WWOX: variants seen among roughly 807,000 people sequenced by gnomAD.
The protein encoded by WWOX is WW domain-containing oxidoreductase.
WWOX carries 69 observed loss-of-function variants against 46.2 expected under a neutral mutation model. The observed-to-expected ratio is 1.49, with a 90% CI of 1.23 to 1.82. The LOEUF (loss-of-function observed/expected upper bound fraction) is 1.82, where lower values mean the gene tolerates loss of function less well. Ranked by LOEUF, WWOX falls within the 40% of genes most tolerant of loss-of-function variation. The probability of loss-of-function intolerance (pLI) is 0.00; values close to 1 mark genes in which losing one functional copy is unlikely to be tolerated. For synonymous variants in WWOX, 359 were observed against 202.6 expected, an observed-to-expected ratio of 1.77 and a Z score of -6.56; for missense variants, 919 against 542.6, an observed-to-expected ratio of 1.69 and a Z score of -6.89.
chr16:78,214,845 A>T (rs1378165412), intron 5 of WWOX, among the ~76,000 whole-genome samples: 2 of 146,330 alleles, frequency 1.4e-5, no homozygotes, highest in African/African-American at 2.6e-5. Flanking sequence ...AAAAAAAAAA[A>T]GGTTTGTCGT....
Position 78,596,933 on chromosome 16 carries a change from A to G in WWOX, c.1056+164181A>G, listed in dbSNP as rs531127250. 1.4e-3 allele frequency among the ~76,000 whole-genome samples: 217 copies of G among 152,308 alleles called. 2 individuals carry two copies. The highest frequency in any genetic ancestry group is 6.1e-3 in the Admixed American group (94 of 15,312). On this transcript the variant is annotated intron_variant, in intron 8 of 8. Coordinates refer to ENST00000566780, the MANE Select transcript of WWOX (RefSeq NM_016373.4). ...CCACACTCTCTTGATGCTATCCTCA[A>G]TAAACATGCGGTCTAAACAGTAACC... is the stretch of plus-strand genomic sequence containing the variant.
chr16:78,935,364 T>C (rs2045714111), intron 8 of WWOX, among the ~76,000 whole-genome samples: 1 of 152,130 alleles, frequency 6.6e-6, no homozygotes, highest in East Asian at 1.9e-4. Flanking sequence ...CAGATGTTCA[T>C]CAATGATAGA....
chr16:78,398,883 G>T (rs1189840513), intron 6 of WWOX, among the ~76,000 whole-genome samples: 1 of 152,228 alleles, frequency 6.6e-6, no homozygotes, highest in Non-Finnish European at 1.5e-5. Flanking sequence ...TGTCATCATT[G>T]TCATCGTCTT....
chr16:78,470,055 C>G (rs147214714), intron 8 of WWOX, among the ~76,000 whole-genome samples: 2 of 152,318 alleles, frequency 1.3e-5, no homozygotes, highest in Non-Finnish European at 1.5e-5. Context: ...TATGTAAGAT[C>G]CATAATGACT....
intron 4 of WWOX, among the ~76,000 whole-genome samples, chr16:78,116,590 T>C (rs1428512301): frequency 6.6e-6 from 1 of 152,194 alleles, no homozygotes; most frequent in Non-Finnish European, 1.5e-5. Flanking sequence ...GGAGTAAATT[T>C]TATATAATTG....
intron 8 of WWOX, among the ~76,000 whole-genome samples, chr16:78,777,372 C>G (rs992150676): frequency 6.6e-6 from 1 of 152,182 alleles, no homozygotes; most frequent in Non-Finnish European, 1.5e-5. Flanking sequence ...TGAAACGTGA[C>G]TAGTATGACC....
chr16:79,083,628 T>A (rs2048802009), intron 8 of WWOX, among the ~76,000 whole-genome samples: 1 of 152,202 alleles, frequency 6.6e-6, no homozygotes, highest in Admixed American at 6.5e-5. Flanking sequence ...TAATGCACGA[T>A]AAGACAGTTA....
At position 78,465,575 on chromosome 16, in the gene WWOX, C is replaced by G. The variant is rs190004315; in HGVS notation, c.1056+32823C>G. Among the ~76,000 whole-genome samples the G allele has an allele frequency of 8.3e-3, 1,260 of 152,332 alleles. 16 individuals carry two copies. Among genetic ancestry groups the G allele is most frequent in the Non-Finnish European group, 9.0e-3 (610 of 68,032 alleles). ...CTGAATGATACCTTTTCATTAGTAA[C>G]TCACATGGACCCATAATCTCTGAAT... On this transcript the variant is annotated intron_variant, in intron 8 of 8. Coordinates refer to ENST00000566780, the MANE Select transcript of WWOX (RefSeq NM_016373.4).
intron 8 of WWOX, among the ~76,000 whole-genome samples, chr16:78,599,340 C>A (rs1213964296): frequency 2.0e-5 from 3 of 152,196 alleles, no homozygotes; most frequent in East Asian, 3.9e-4. Context: ...AACTGAATCT[C>A]CACCTTGGGC....
At chr16:79,134,290 G>T (rs2049940524) in intron 8 of WWOX, among the ~76,000 whole-genome samples, 1 of 152,154 alleles carries the variant, frequency 6.6e-6, no homozygotes, top group South Asian at 2.1e-4. Context: ...GGTGGCACAG[G>T]CAGTAAAGGA....
rs142085064 is a variant in WWOX, at chr16:78,425,815, A to G, written c.791+760A>G. Among the ~76,000 whole-genome samples the G allele has an allele frequency of 6.4e-3, 978 of 152,144 alleles. 6 individuals are homozygous for G. The highest frequency in any genetic ancestry group is 0.022 in the African/African-American group (912 of 41,508). ...GCTTGGTGTGTGTTTGGCGGGGGGA[A>G]CTTACACTCTTAGCAAAGTAGCTAG... On this transcript the variant is annotated intron_variant, in intron 7 of 8. Transcript: ENST00000566780.
At chr16:79,164,696 A>G (rs962225626) in intron 8 of WWOX, among the ~76,000 whole-genome samples, 1 of 152,198 alleles carries the variant, frequency 6.6e-6, no homozygotes, top group African/African-American at 2.4e-5. Context: ...CAGCTGCATA[A>G]TTAAATACTG....
chr16:78,182,967 A>G (rs56820650), intron 5 of WWOX, among the ~76,000 whole-genome samples: 19,384 of 139,060 alleles, frequency 0.14, 1,528 homozygotes, highest in African/African-American at 0.21. Context: ...AAAAAAAAAA[A>G]GAAAGAAAGA....
At chr16:78,636,513 T>TC (rs1466173271) in intron 8 of WWOX, among the ~76,000 whole-genome samples, 11 of 152,298 alleles carry the variant, frequency 7.2e-5, no homozygotes, top group African/African-American at 2.6e-4. Flanking sequence ...ATCTTTTTTT[T>TC]CCTAATAGAA....
intron 5 of WWOX, among the ~76,000 whole-genome samples, chr16:78,342,283 C>T (rs72794025): frequency 1.7e-5 from 2 of 119,800 alleles, no homozygotes; most frequent in African/African-American, 5.7e-5. Flanking sequence ...ATACAACAAA[C>T]GCTGATTTGT....
At chr16:78,392,635 C>T (rs1040890795) in intron 6 of WWOX, among the ~76,000 whole-genome samples, 4 of 152,100 alleles carry the variant, frequency 2.6e-5, no homozygotes, top group Non-Finnish European at 5.9e-5. Flanking sequence ...GTGATTGCAT[C>T]TCTGTGGTGT....
At chr16:78,469,253 CT>C (rs1352808278) in intron 8 of WWOX, among the ~76,000 whole-genome samples, 1 of 152,168 alleles carries the variant, frequency 6.6e-6, no homozygotes, top group Admixed American at 6.6e-5. Context: ...AGATATCCAC[CT>C]GTAAAATATT....
At chr16:78,228,020 C>G (rs994718750) in intron 5 of WWOX, among the ~76,000 whole-genome samples, 1 of 152,174 alleles carries the variant, frequency 6.6e-6, no homozygotes, top group East Asian at 1.9e-4. Context: ...TATGGACCCT[C>G]TCTCTGGCAA....
At position 78,653,628 on chromosome 16, in the gene WWOX, C is replaced by T. The variant is rs149920864; in HGVS notation, c.1056+220876C>T. Among the ~76,000 whole-genome samples, 1,390 of 152,294 alleles carry T rather than the reference C, an allele frequency of 9.1e-3. 14 individuals are homozygous for T. Among genetic ancestry groups the T allele is most frequent in the African/African-American group, 0.024 (1,008 of 41,560 alleles). ...TGCCAGCTTGGGTTTGGACAACCTCCGACCTTAGTTGAAAATGACCCTGTG... is the reference window on the plus strand; with the variant it reads ...TGCCAGCTTGGGTTTGGACAACCTCTGACCTTAGTTGAAAATGACCCTGTG... On this transcript the variant is annotated intron_variant, in intron 8 of 8. Transcript: ENST00000566780.
Sources: gnomAD v4.1 joint callset for allele counts (sites outside exome capture counted in the v4.1 genomes callset) on GRCh38, gnomAD v4.1.1 for gene constraint, MANE v1.5 for transcripts, NCBI Gene and HGNC (gene_info 2026-07-23, HGNC 2026-07-21) for gene names.